PIK3R1: variants seen among roughly 807,000 people sequenced by gnomAD.
PIK3R1 encodes phosphoinositide-3-kinase regulatory subunit 1.
Under a neutral mutation model 98.0 loss-of-function variants are expected in PIK3R1, and 29 were observed. The ratio of observed to expected loss-of-function variants is 0.30; its 90% CI spans 0.22 to 0.40. PIK3R1 has a LOEUF of 0.40. PIK3R1 is among the 10% of genes least tolerant of loss of function. PIK3R1 has a pLI of 1.00. For synonymous variants in PIK3R1, 282 were observed against 311.8 expected (o/e 0.90, Z 1.01); for missense variants, 596 against 872.7 (o/e 0.68, Z 3.99).
At chr5:68,246,716 T>C (rs251405) in intron 2 of PIK3R1, among the ~76,000 whole-genome samples, 131,886 of 152,002 alleles carry the variant, frequency 0.87, 57,635 homozygotes, top group African/African-American at 0.97. Flanking sequence ...CTCCGCCTCC[T>C]GGGTTCACGC....
Position 68,296,092 on chromosome 5 carries a change from G to T in PIK3R1, c.1815-79G>T. The T allele has an allele frequency of 8.6e-6, 12 of 1,391,338 alleles. No homozygotes were observed. In the Admixed American group the frequency reaches 1.2e-4, roughly 14 times the overall value. The allele number at this position is 1,391,338 out of a possible 1,614,324, so 86.2% of individuals were successfully genotyped here. ...AGGGGCCAGGAGGGAAGTGACGGGG[G>T]TATGCCTAGGGAAGACAGCAAGGCA... is the stretch of plus-strand genomic sequence containing the variant. On this transcript the variant is annotated intron_variant, in intron 14 of 15. Transcript: ENST00000521381.
Position 68,297,683 on chromosome 5 carries a change from C to G in PIK3R1, c.*82C>G, listed in dbSNP as rs1747807287. 8.7e-7 allele frequency: 1 copy of G among 1,148,886 alleles called. No individual in the cohort carries two copies. Among genetic ancestry groups the G allele is most frequent in the Non-Finnish European group, 1.3e-6 (1 of 794,128 alleles). The allele number at this position is 1,148,886 out of a possible 1,614,324, so 71.2% of individuals were successfully genotyped here. A position where few individuals can be genotyped will look rare whatever the true frequency, so the allele number is the denominator to read the frequency against. ...GCAAAGGGCTCCTCTCCAGTCTGAT[C>G]TGTGAATTGAGCTGCAGAAACGAAG... On this transcript the variant is annotated 3_prime_UTR_variant, in exon 16 of 16. Transcript: ENST00000521381.
At chr5:68,290,181 A>G (rs923809340) in intron 7 of PIK3R1, among the ~76,000 whole-genome samples, 2 of 152,328 alleles carry the variant, frequency 1.3e-5, no homozygotes, top group Admixed American at 1.3e-4. Flanking sequence ...GAGGACTAAA[A>G]TACCAGGAGT....
chr5:68,277,032 CA>C (rs1429363129), intron 4 of PIK3R1, among the ~76,000 whole-genome samples: 1 of 152,164 alleles, frequency 6.6e-6, no homozygotes, highest in Non-Finnish European at 1.5e-5. Context: ...ACTGCAGAAG[CA>C]CAGAGGGAAA....
At chr5:68,288,426 C>A (rs1277350330) in intron 7 of PIK3R1, 21 of 1,244,978 alleles carry the variant, frequency 1.7e-5, no homozygotes, top group Non-Finnish European at 2.1e-5. Context: ...GATACAGTAG[C>A]GAAATCCAGT....
chr5:68,257,085 G>GC (rs1392847103), intron 2 of PIK3R1, among the ~76,000 whole-genome samples: 1 of 152,216 alleles, frequency 6.6e-6, no homozygotes, highest in African/African-American at 2.4e-5. Flanking sequence ...CACCACAGAA[G>GC]CAAGAGCTGC....
chr5:68,218,785 G>A (rs901953914), intron 1 of PIK3R1, among the ~76,000 whole-genome samples: 2 of 152,186 alleles, frequency 1.3e-5, no homozygotes, highest in African/African-American at 4.8e-5. Flanking sequence ...AGAGAATGAA[G>A]CATTTTAATG....
intron 2 of PIK3R1, among the ~76,000 whole-genome samples, chr5:68,227,807 G>C (rs1467395296): frequency 6.6e-6 from 1 of 152,142 alleles, no homozygotes; most frequent in Non-Finnish European, 1.5e-5. Context: ...CCTATAGTCT[G>C]GTTCGCCTTC....
intron 2 of PIK3R1, among the ~76,000 whole-genome samples, chr5:68,257,282 C>T (rs1379074398): frequency 6.6e-6 from 1 of 152,212 alleles, no homozygotes; most frequent in Non-Finnish European, 1.5e-5. Flanking sequence ...GTCTTGTCTA[C>T]CAAAAATCAC....
In PIK3R1 at chr5:68,289,140, C is replaced by G. The variant is rs139295092; in HGVS notation, c.917-3119C>G. Among the ~76,000 whole-genome samples, 46 of 152,292 alleles carry G rather than the reference C, an allele frequency of 3.0e-4. No homozygotes were observed. In the East Asian group the frequency reaches 8.1e-3, roughly 27 times the overall value. ...GGACTGGCACTCTGGGCTGTTACAC[C>G]CGCCACAGCTGCTCGGAGAACTTGT... On this transcript the variant is annotated intron_variant, in intron 7 of 15. Coordinates refer to ENST00000521381, the MANE Select transcript of PIK3R1 (RefSeq NM_181523.3).
At chr5:68,217,653 T>TGTGCGCGC (rs1386976488) in intron 1 of PIK3R1, 6 of 149,294 alleles carry the variant, frequency 4.0e-5, no homozygotes, top group African/African-American at 1.2e-4. Context: ...TGTGTGTGTG[T>TGTGCGCGC]GCGCGCGCGT....
rs761727159 is a variant in PIK3R1, at chr5:68,225,835, C to T, written c.-386-455C>T. 5.3e-4 allele frequency among the ~76,000 whole-genome samples: 81 copies of T among 152,212 alleles called. 1 individual carries two copies. The highest frequency in any genetic ancestry group is 8.8e-4 in the Non-Finnish European group (60 of 68,040). The stretch of plus-strand genomic sequence containing the variant: ...CCACTGCTCCCTCTTTGGCTCCAGA[C>T]GGATTGGACTGCCTGTTCTAGCTCT... On this transcript the variant is annotated intron_variant, in intron 1 of 15. Coordinates refer to ENST00000521381, the MANE Select transcript of PIK3R1 (RefSeq NM_181523.3).
rs756643064 is a variant in PIK3R1, at chr5:68,294,678, G to A, written c.1568G>A (p.Arg523Lys). Residue 523 changes from arginine to lysine, a missense_variant and splice_region_variant, in exon 12 of 16, where the codon AGG (arginine) becomes AAG (lysine). By Grantham distance (26) the Arg-to-Lys change is conservative. Coordinates refer to ENST00000521381, the MANE Select transcript of PIK3R1 (RefSeq NM_181523.3). ...GAAGGCAATGAGAAAGAAATACAAA[G>A]GTTGGTGTTTCCCTTGTTCTTGTGC... ...KREGNEKEIQ[R>K]IMHNYDKLKS... The A allele has an allele frequency of 6.3e-7, 1 of 1,598,174 alleles. No individual in the cohort carries two copies. Among genetic ancestry groups the A allele is most frequent in the South Asian group, 1.1e-5 (1 of 87,864 alleles).
chr5:68,283,680 T>G (rs187073278), intron 7 of PIK3R1, among the ~76,000 whole-genome samples: 57 of 152,340 alleles, frequency 3.7e-4, no homozygotes, highest in African/African-American at 1.3e-3. Flanking sequence ...TTGAAAGCAT[T>G]GTCCAGCTTT....
intron 8 of PIK3R1, chr5:68,292,851 C>A: frequency 1.2e-6 from 1 of 825,656 alleles, no homozygotes; most frequent in Non-Finnish European, 1.8e-6. Flanking sequence ...GTGATATGCA[C>A]CTGTTTGTGA....
chr5:68,264,925 C>T (rs1390723909), intron 2 of PIK3R1, among the ~76,000 whole-genome samples: 7 of 152,178 alleles, frequency 4.6e-5, no homozygotes, highest in Non-Finnish European at 7.3e-5. Flanking sequence ...CTAGACCCGC[C>T]GGTCCGTCAG....
rs1747895878 is a variant in PIK3R1 at position 68,299,089 on chromosome 5, G to A, written c.*1488G>A. 1 of 233,404 alleles carries A rather than the reference G, an allele frequency of 4.3e-6. No homozygotes were observed. The highest frequency in any genetic ancestry group is 1.8e-4 in the South Asian group (1 of 5,532). The allele number at this position is 233,404 out of a possible 1,614,324, so 14.5% of individuals were successfully genotyped here. A position where few individuals can be genotyped will look rare whatever the true frequency, so the allele number is the denominator to read the frequency against. On this transcript the variant is annotated 3_prime_UTR_variant, in exon 16 of 16. Transcript: ENST00000521381. ...ACAGTGTGACTGGTCAGGTATTTCAGTTCTTAGGAAGGAAGTGCCAAGTTT... is the reference window on the plus strand; with the variant it reads ...ACAGTGTGACTGGTCAGGTATTTCAATTCTTAGGAAGGAAGTGCCAAGTTT...
At chr5:68,262,598 TGTATAC>T (rs1745829489) in intron 2 of PIK3R1, among the ~76,000 whole-genome samples, 1 of 129,568 alleles carries the variant, frequency 7.7e-6, no homozygotes, top group Non-Finnish European at 1.6e-5. Flanking sequence ...TGTATCTGCA[TGTATAC>T]ACATGTATAC....
intron 1 of PIK3R1, among the ~76,000 whole-genome samples, chr5:68,220,201 C>T (rs1339761678): frequency 6.6e-6 from 1 of 152,130 alleles, no homozygotes; most frequent in African/African-American, 2.4e-5. Flanking sequence ...CCTGAGGTTA[C>T]ATATTTAGGC....
Sources: allele counts gnomAD v4.1 joint callset (sites outside exome capture counted in the v4.1 genomes callset), GRCh38; gene constraint gnomAD v4.1.1; transcripts MANE v1.5; gene names NCBI Gene and HGNC (gene_info 2026-07-23, HGNC 2026-07-21).